The following STRBP variants were observed in gnomAD, a reference collection of about 807,000 sequenced individuals.
STRBP encodes spermatid perinuclear RNA binding protein, also known as spermatid perinuclear RNA-binding protein.
Under a neutral mutation model 80.1 loss-of-function variants are expected in STRBP, and 13 were observed. That is an observed-to-expected ratio of 0.16 (90% CI 0.11 to 0.26). The LOEUF (loss-of-function observed/expected upper bound fraction) is 0.26, where lower values mean the gene tolerates loss of function less well. Among genes scored for constraint, STRBP ranks in the 10% least tolerant of loss-of-function variants. STRBP has a pLI of 1.00. For missense variants in STRBP, 485 were observed against 815.2 expected (o/e 0.59, Z 4.93); for synonymous variants, 284 against 291.2 (o/e 0.98, Z 0.25).
rs2035631907 is a variant in STRBP, at chr9:123,115,505, T to C, written c.*84+424A>G. 1 of 389,306 alleles carries C rather than the reference T, an allele frequency of 2.6e-6. No individual in the cohort carries two copies. Among genetic ancestry groups the C allele is most frequent in the Non-Finnish European group, 5.3e-6 (1 of 188,264 alleles). 24.1% of individuals were successfully genotyped at this position (389,306 alleles called of 1,614,324 possible). A position where few individuals can be genotyped will look rare whatever the true frequency, so the allele number is the denominator to read the frequency against. On this transcript the variant is annotated intron_variant and NMD_transcript_variant, in intron 3 of 3. Transcript: ENST00000471564. The surrounding 1 kb of genome is among the most constrained non-coding windows in gnomAD (Gnocchi z 5.0). Reference sequence around the variant, plus strand: ...TTTCTTCCCCTCCCTGTACTCTCCATCTGGGTCAATGATTTCACCTTCTAC... The same window carrying C: ...TTTCTTCCCCTCCCTGTACTCTCCACCTGGGTCAATGATTTCACCTTCTAC...
chr9:123,227,640 A>G (rs1413865957), intron 2 of STRBP, among the ~76,000 whole-genome samples: 1 of 138,590 alleles, frequency 7.2e-6, no homozygotes. Flanking sequence ...ATCTTGGCTC[A>G]CTGCAACCTC....
chr9:123,178,925 C>A (rs2038337136), intron 4 of STRBP, 82 bp downstream of exon 4: 1 of 1,349,028 alleles, frequency 7.4e-7, no homozygotes, highest in Non-Finnish European at 1.0e-6. Flanking sequence ...CAAAAAACAG[C>A]ATAACACACA....
chr9:123,177,373 C>T (rs772112297), intron 4 of STRBP, among the ~76,000 whole-genome samples: 42 of 152,180 alleles, frequency 2.8e-4, no homozygotes, highest in African/African-American at 6.0e-4. Flanking sequence ...AGACCAAATT[C>T]GGCAATGCAG....
intron 11 of STRBP, 63 bp from the exon 12 acceptor site, chr9:123,147,933 G>GT: frequency 1.5e-6 from 2 of 1,355,396 alleles, no homozygotes; most frequent in Non-Finnish European, 2.0e-6. Flanking sequence ...CGTACCATAT[G>GT]TATCTAACAT....
chr9:123,136,590 T>C lies in STRBP; in HGVS notation c.1498-75A>G. 6.5e-7 allele frequency: 1 copy of C among 1,529,814 alleles called. No homozygotes were observed. Among genetic ancestry groups the C allele is most frequent in the Non-Finnish European group, 8.8e-7 (1 of 1,139,504 alleles). 94.8% of individuals were successfully genotyped at this position (1,529,814 alleles called of 1,614,324 possible). On this transcript the variant is annotated intron_variant, in intron 14 of 18. Transcript: ENST00000348403. The surrounding 1 kb of genome is among the most constrained non-coding windows in gnomAD (Gnocchi z 4.2). ...ATTACATTTCTTATTAATACAATTATGCTAAGAAGGAGGCTCAAAAATTCT... is the reference window on the plus strand; with the variant it reads ...ATTACATTTCTTATTAATACAATTACGCTAAGAAGGAGGCTCAAAAATTCT...
chr9:123,128,408 G>A (rs543417403), intron 17 of STRBP, 150 bp from the exon 18 acceptor site: 7 of 834,962 alleles, frequency 8.4e-6, no homozygotes, highest in Non-Finnish European at 1.2e-5. Flanking sequence ...AATGGTCCCA[G>A]TCTAGCCACT....
chr9:123,120,628 A>G (rs1326467037), downstream of STRBP, among the ~76,000 whole-genome samples: 1 of 151,984 alleles, frequency 6.6e-6, no homozygotes, highest in Non-Finnish European at 1.5e-5. Context: ...ACTGATTATA[A>G]GGGTGAAACT....
At chr9:123,219,982 C>T (rs2040017847) in intron 2 of STRBP, among the ~76,000 whole-genome samples, 1 of 152,036 alleles carries the variant, frequency 6.6e-6, no homozygotes, top group Non-Finnish European at 1.5e-5. Flanking sequence ...TGAATGCAAA[C>T]AAATGAACTT....
At chr9:123,142,506 T>C (rs1427318796) in intron 13 of STRBP, among the ~76,000 whole-genome samples, 2 of 152,152 alleles carry the variant, frequency 1.3e-5, no homozygotes, top group African/African-American at 2.4e-5. Context: ...AATACGTCCA[T>C]CACTGCCCAG....
chr9:123,112,099 CTG>C, intron 3 of STRBP: 1 of 169,916 alleles, frequency 5.9e-6, no homozygotes, highest in Non-Finnish European at 1.4e-5. Context: ...CCTGGCCCGA[CTG>C]TGCTGGGGCA....
In STRBP at chr9:123,111,000, T is replaced by C. The variant is rs536493858; in HGVS notation, c.*85-1247A>G. 1.2e-5 allele frequency: 2 copies of C among 167,436 alleles called. No homozygotes were observed. The highest frequency in any genetic ancestry group is 1.9e-4 in the East Asian group (1 of 5,190). The allele number at this position is 167,436 out of a possible 1,614,324, so 10.4% of individuals were successfully genotyped here. Reference sequence around the variant, plus strand: ...ACCATGAAAAGTGATCGGGGGTAAGTAGAGGGATGCGTCTAATGGCAGCGG... The same window carrying C: ...ACCATGAAAAGTGATCGGGGGTAAGCAGAGGGATGCGTCTAATGGCAGCGG... On this transcript the variant is annotated intron_variant and NMD_transcript_variant, in intron 3 of 3. Transcript: ENST00000471564. The surrounding 1 kb of genome is among the most constrained non-coding windows in gnomAD (Gnocchi z 4.1).
chr9:123,194,467 T>C (rs1017931414), intron 2 of STRBP, among the ~76,000 whole-genome samples: 1 of 152,156 alleles, frequency 6.6e-6, no homozygotes, highest in Non-Finnish European at 1.5e-5. Flanking sequence ...CATTCCCACA[T>C]GTTGTAATAG....
At chr9:123,219,366 C>T (rs1283074781) in intron 2 of STRBP, among the ~76,000 whole-genome samples, 1 of 152,194 alleles carries the variant, frequency 6.6e-6, no homozygotes, top group African/African-American at 2.4e-5. Context: ...CCAAGTCACA[C>T]CTCCTTCACA....
chr9:123,180,921 A>G, intron 3 of STRBP: 9 of 984,972 alleles, frequency 9.1e-6, no homozygotes, highest in Non-Finnish European at 1.1e-5. Context: ...TCCATCGCAA[A>G]CTAAAACATT....
At chr9:123,235,695 A>G (rs2040542063) in intron 2 of STRBP, among the ~76,000 whole-genome samples, 1 of 151,586 alleles carries the variant, frequency 6.6e-6, no homozygotes, top group Non-Finnish European at 1.5e-5. Context: ...CTTCCCTTTC[A>G]TAGCAAAACT....
In STRBP at chr9:123,115,912, T is replaced by G. The variant is rs2035637476; in HGVS notation, c.*84+17A>C. 4.7e-6 allele frequency: 2 copies of G among 425,114 alleles called. No individual in the cohort carries two copies. The highest frequency in any genetic ancestry group is 2.1e-5 in the African/African-American group (1 of 48,550). The allele number at this position is 425,114 out of a possible 1,614,324, so 26.3% of individuals were successfully genotyped here. On this transcript the variant is annotated intron_variant and NMD_transcript_variant, in intron 3 of 3. Transcript: ENST00000471564. The surrounding 1 kb of genome is among the most constrained non-coding windows in gnomAD (Gnocchi z 5.0). ...TGGAACCACATACAACAAATAAATA[T>G]AATCCCTTAAAAATACCTGGCAGGA...
intron 3 of STRBP, among the ~76,000 whole-genome samples, chr9:123,179,873 G>C (rs803725): frequency 0.97 from 147,451 of 152,318 alleles, 71,543 homozygotes; most frequent in East Asian, 1. Flanking sequence ...CAAGAGAGTC[G>C]CAGAAATGCA....
At position 123,124,588 on chromosome 9, in the gene STRBP, A is replaced by T; in HGVS notation, c.*1009T>A. 1 of 985,456 alleles carries T rather than the reference A, an allele frequency of 1.0e-6. No homozygotes were observed. Among genetic ancestry groups the T allele is most frequent in the Non-Finnish European group, 1.2e-6 (1 of 829,934 alleles). 61.0% of individuals were successfully genotyped at this position (985,456 alleles called of 1,614,324 possible). On this transcript the variant is annotated 3_prime_UTR_variant, in exon 19 of 19. Transcript: ENST00000348403. ...CTGCTTTAGATTCTGATGTAATTGA[A>T]GAGGAAAGGAGACCCTTCAATGAAT...
At chr9:123,250,531 T>C (rs1029650300) in intron 1 of STRBP, among the ~76,000 whole-genome samples, 1 of 152,234 alleles carries the variant, frequency 6.6e-6, no homozygotes, top group Non-Finnish European at 1.5e-5. Flanking sequence ...AAAGTTTTTT[T>C]TGAGAACTGC....
Sources: allele counts gnomAD v4.1 joint callset (sites outside exome capture counted in the v4.1 genomes callset), GRCh38; gene constraint gnomAD v4.1.1; non-coding constraint Gnocchi (gnomAD v3.1); transcripts MANE v1.5; gene names NCBI Gene and HGNC (gene_info 2026-07-23, HGNC 2026-07-21).